Variants in TBC1D1 observed in about 807,000 individuals in gnomAD.
TBC1D1 encodes the protein TBC1 domain family member 1.
Under a neutral mutation model 125.6 loss-of-function variants are expected in TBC1D1, and 89 were observed. The observed-to-expected ratio is 0.71, with a 90% CI of 0.60 to 0.85. The LOEUF is 0.85. Ranked by LOEUF, TBC1D1 falls within the 40% of genes least tolerant of loss-of-function variation. The pLI, the probability that TBC1D1 is intolerant of heterozygous loss-of-function variation, is 0.00. For synonymous variants in TBC1D1, 565 were observed against 564.1 expected, an observed-to-expected ratio of 1.00 and a Z score of -0.02; for missense variants, 1,377 against 1,469.2, an observed-to-expected ratio of 0.94 and a Z score of 1.03.
intron 2 of TBC1D1, among the ~76,000 whole-genome samples, chr4:37,981,124 G>A (rs1436486058): frequency 6.6e-6 from 1 of 151,968 alleles, no homozygotes; most frequent in African/African-American, 2.4e-5. Flanking sequence ...TGTATTTTTA[G>A]TAGAGACAGG....
At chr4:38,000,921 A>G (rs1011502725) in intron 2 of TBC1D1, among the ~76,000 whole-genome samples, 3 of 152,190 alleles carry the variant, frequency 2.0e-5, no homozygotes, top group Non-Finnish European at 4.4e-5. Flanking sequence ...CTGGTTTATT[A>G]TAAAGAATAC....
At chr4:37,986,211 A>G (rs1477711662) in intron 2 of TBC1D1, among the ~76,000 whole-genome samples, 1 of 152,122 alleles carries the variant, frequency 6.6e-6, no homozygotes, top group Non-Finnish European at 1.5e-5. Flanking sequence ...ATGTAATTCC[A>G]TTTGTTCTTT....
intron 12 of TBC1D1, chr4:38,054,944 T>G (rs1455479385): frequency 6.5e-6 from 1 of 152,894 alleles, no homozygotes; most frequent in Admixed American, 6.5e-5. Flanking sequence ...ACTGGAGTTG[T>G]AGGCGTGCTC....
intron 10 of TBC1D1, 140 bp from the exon 11 acceptor site, chr4:38,049,478 T>C: frequency 2.0e-6 from 2 of 998,378 alleles, no homozygotes; most frequent in South Asian, 3.5e-5. Flanking sequence ...TTTCTTCTGC[T>C]TTTGGTGGTG....
intron 2 of TBC1D1, among the ~76,000 whole-genome samples, chr4:37,941,372 C>T (rs1451573308): frequency 6.6e-6 from 1 of 151,616 alleles, no homozygotes; most frequent in African/African-American, 2.4e-5. Context: ...TGGTGATATC[C>T]CCTCTATCAT....
intron 2 of TBC1D1, among the ~76,000 whole-genome samples, chr4:37,955,014 T>C (rs1377600269): frequency 6.6e-6 from 1 of 151,844 alleles, no homozygotes; most frequent in Non-Finnish European, 1.5e-5. Context: ...ACATACATAA[T>C]CAGGTGATAC....
intron 1 of TBC1D1, among the ~76,000 whole-genome samples, chr4:37,897,283 T>C (rs1577729963): frequency 1.3e-5 from 2 of 152,336 alleles, no homozygotes; most frequent in Non-Finnish European, 1.5e-5. Flanking sequence ...ACCAAATCCC[T>C]AATATTATTT....
chr4:37,926,660 C>G (rs1464076107), intron 2 of TBC1D1, among the ~76,000 whole-genome samples: 1 of 152,178 alleles, frequency 6.6e-6, no homozygotes, highest in Admixed American at 6.5e-5. Context: ...CTCTTACTGT[C>G]CAAACCTGGT....
At chr4:38,003,432 G>T (rs1308445271) in intron 2 of TBC1D1, among the ~76,000 whole-genome samples, 1 of 152,164 alleles carries the variant, frequency 6.6e-6, no homozygotes, top group Non-Finnish European at 1.5e-5. Flanking sequence ...CCTACAGGGT[G>T]TTTGGAAATT....
intron 14 of TBC1D1, among the ~76,000 whole-genome samples, chr4:38,102,450 T>A (rs541115471): frequency 6.6e-6 from 1 of 151,694 alleles, no homozygotes; most frequent in Admixed American, 6.6e-5. Context: ...CAGAACATGA[T>A]AACACATTTG....
chr4:38,137,416 G>T lies in TBC1D1; in HGVS notation c.*81G>T. ...AGGGACAGAAGACGCTGGAAGGAGA[G>T]AAGGAAGCGGGAAGTGTGCTTCTCA... On this transcript the variant is annotated 3_prime_UTR_variant, in exon 20 of 20. Transcript: ENST00000261439. The T allele has an allele frequency of 7.4e-7, 1 of 1,344,400 alleles. No individual in the cohort carries two copies. Among genetic ancestry groups the T allele is most frequent in the Non-Finnish European group, 9.6e-7 (1 of 1,043,316 alleles). 83.3% of individuals were successfully genotyped at this position (1,344,400 alleles called of 1,614,324 possible).
chr4:37,914,394 C>T (rs1259746791), intron 2 of TBC1D1, among the ~76,000 whole-genome samples: 4 of 152,168 alleles, frequency 2.6e-5, no homozygotes, highest in African/African-American at 7.2e-5. Flanking sequence ...TTGCTGCAGC[C>T]AAAGCCTAGG....
chr4:38,095,477 A>G (rs1759166357), intron 13 of TBC1D1, among the ~76,000 whole-genome samples: 1 of 152,230 alleles, frequency 6.6e-6, no homozygotes, highest in African/African-American at 2.4e-5. Flanking sequence ...GACCCATGGT[A>G]GAAGCTACCA....
intron 12 of TBC1D1, among the ~76,000 whole-genome samples, chr4:38,061,843 T>TTGAAACATGATTTACATGTTTTACA (rs1352378826): frequency 6.6e-6 from 1 of 152,248 alleles, no homozygotes. Flanking sequence ...AGGAACTGAT[T>TTGAAACATGATTTACATGTTTTACA]TGAAACATGA....
chr4:37,985,948 A>T (rs1248576874), intron 2 of TBC1D1, among the ~76,000 whole-genome samples: 2 of 149,986 alleles, frequency 1.3e-5, no homozygotes, highest in Non-Finnish European at 3.0e-5. Context: ...TAGTGAGGAA[A>T]TACTACTGGT....
At chr4:38,051,335 A>C (rs1324586708) in intron 11 of TBC1D1, among the ~76,000 whole-genome samples, 3 of 152,210 alleles carry the variant, frequency 2.0e-5, no homozygotes, top group Admixed American at 6.5e-5. Context: ...TATCTACAGG[A>C]AATAAGACAT....
rs1018683951 is a variant in TBC1D1 at position 38,033,502 on chromosome 4, T to C, written c.1303-2086T>C. Among the ~76,000 whole-genome samples, 12 of 152,226 alleles carry C rather than the reference T, an allele frequency of 7.9e-5. No homozygotes were observed. In the East Asian group the frequency reaches 1.9e-3, roughly 24 times the overall value. On this transcript the variant is annotated intron_variant, in intron 7 of 19. Coordinates refer to ENST00000261439, the MANE Select transcript of TBC1D1 (RefSeq NM_015173.4). ...CACAGTTTCTCCGATTTTTAACATA[T>C]CTTGCATTACTGAGGGTTTCTTCAT...
chr4:38,031,391 A>G (rs1202424539), intron 7 of TBC1D1, among the ~76,000 whole-genome samples: 2 of 152,224 alleles, frequency 1.3e-5, no homozygotes, highest in Non-Finnish European at 2.9e-5. Context: ...ATATCAGCTT[A>G]GTTGGATTTT....
At chr4:37,965,031 T>C (rs1730810415) in intron 2 of TBC1D1, among the ~76,000 whole-genome samples, 1 of 152,224 alleles carries the variant, frequency 6.6e-6, no homozygotes, top group Non-Finnish European at 1.5e-5. Context: ...TGACAGGTGG[T>C]CTACGCAGAC....
Sources: gnomAD v4.1 joint callset for allele counts (sites outside exome capture counted in the v4.1 genomes callset) on GRCh38, gnomAD v4.1.1 for gene constraint, MANE v1.5 for transcripts, NCBI Gene and HGNC (gene_info 2026-07-23, HGNC 2026-07-21) for gene names.